Variants in DCP1A observed in about 807,000 individuals in gnomAD.
DCP1A encodes the protein mRNA-decapping enzyme 1A.
Under a neutral mutation model 58.0 loss-of-function variants are expected in DCP1A, and 20 were observed. The ratio of observed to expected loss-of-function variants is 0.34; its 90% CI spans 0.24 to 0.50. DCP1A has a LOEUF of 0.50. Among genes scored for constraint, DCP1A ranks in the 20% least tolerant of loss-of-function variants. The probability of loss-of-function intolerance (pLI) is 0.98; values close to 1 mark genes in which losing one functional copy is unlikely to be tolerated. For missense variants in DCP1A, 613 were observed against 712.2 expected (o/e 0.86, Z 1.59); for synonymous variants, 285 against 275.1 (o/e 1.04, Z -0.36).
At chr3:53,315,145 T>G (rs914694021) in intron 4 of DCP1A, among the ~76,000 whole-genome samples, 1 of 152,184 alleles carries the variant, frequency 6.6e-6, no homozygotes, top group African/African-American at 2.4e-5. Flanking sequence ...AACCTACCCC[T>G]AAGATGTCTG....
chr3:53,287,717 T>C (rs1367736867), intron 9 of DCP1A, 57 bp from the exon 10 acceptor site: 1 of 1,292,622 alleles, frequency 7.7e-7, no homozygotes, highest in Non-Finnish European at 1.1e-6. Flanking sequence ...CATCAGATTT[T>C]ACTTCCTTGG....
chr3:53,342,298 T>C (rs1553692619), intron 2 of DCP1A, 27 bp from the exon 3 acceptor site: 2 of 1,504,532 alleles, frequency 1.3e-6, no homozygotes, highest in Non-Finnish European at 1.8e-6. Context: ...GAAAAAAAAA[T>C]ATGTAGTTAC....
Position 53,301,556 on chromosome 3 carries a change from A to C in DCP1A, c.624+2621T>G, listed in dbSNP as rs78565081. On this transcript the variant is annotated intron_variant, in intron 6 of 9. Coordinates refer to ENST00000610213, the MANE Select transcript of DCP1A (RefSeq NM_018403.7). The stretch of plus-strand genomic sequence containing the variant: ...CCAAGGCAGTTTCTTATTAAACTAA[A>C]ACATGCAATACCAAATGACCTGACA... Among the ~76,000 whole-genome samples, 1,270 of 152,274 alleles carry C rather than the reference A, an allele frequency of 8.3e-3. 10 individuals are homozygous for C. The highest frequency in any genetic ancestry group is 0.012 in the Non-Finnish European group (844 of 68,026).
At chr3:53,288,413 G>T (rs62256054) in intron 8 of DCP1A, 130 bp from the exon 9 acceptor site, 6 of 675,378 alleles carry the variant, frequency 8.9e-6, no homozygotes, top group East Asian at 8.2e-5. Flanking sequence ...TTTGAGTTCA[G>T]GTAAACATTC....
intron 3 of DCP1A, among the ~76,000 whole-genome samples, chr3:53,320,604 G>C (rs1349817773): frequency 6.6e-6 from 1 of 152,082 alleles, no homozygotes; most frequent in Non-Finnish European, 1.5e-5. Flanking sequence ...AAATGCAACT[G>C]TAAAGAACAG....
chr3:53,326,180 C>T (rs1482027026), intron 3 of DCP1A, among the ~76,000 whole-genome samples: 3 of 150,168 alleles, frequency 2.0e-5, no homozygotes, highest in Non-Finnish European at 2.9e-5. Flanking sequence ...CGAAATACTC[C>T]TTCCACAATC....
chr3:53,308,562 T>C (rs369483512), intron 5 of DCP1A, among the ~76,000 whole-genome samples: 3 of 152,212 alleles, frequency 2.0e-5, no homozygotes, highest in East Asian at 3.8e-4. Context: ...ATTATAGACA[T>C]AGCCACAGCG....
intron 3 of DCP1A, among the ~76,000 whole-genome samples, chr3:53,338,901 CAAAT>C (rs1424823461): frequency 1.7e-4 from 25 of 147,346 alleles, no homozygotes; most frequent in African/African-American, 5.2e-4. Context: ...ATAAATAAAA[CAAAT>C]AACTTAGAAC....
intron 4 of DCP1A, among the ~76,000 whole-genome samples, chr3:53,315,930 AT>A (rs1553689201): frequency 6.6e-6 from 1 of 151,104 alleles, no homozygotes; most frequent in Non-Finnish European, 1.5e-5. Context: ...ATTTTTTTGT[AT>A]TTTTACTAGA....
chr3:53,324,322 C>T (rs1480454512), intron 3 of DCP1A, among the ~76,000 whole-genome samples: 1 of 152,210 alleles, frequency 6.6e-6, no homozygotes, highest in East Asian at 1.9e-4. Context: ...ACATATCAAA[C>T]GGTCAGTGCG....
Position 53,288,135 on chromosome 3 carries a change from T to C in DCP1A, c.1598A>G (p.Glu533Gly). The C allele has an allele frequency of 6.2e-7, 1 of 1,614,058 alleles. No homozygotes were observed. Among genetic ancestry groups the C allele is most frequent in the Non-Finnish European group, 8.5e-7 (1 of 1,179,892 alleles). ...AATAATGGAAGGCTTTCTCTGACTT[T>C]CTGGCGTTCCAATAGTTAGAGGAGA... is the stretch of plus-strand genomic sequence containing the variant. ...SPSPLTIGTPESQRKPSIILS... is the reference protein window; with the variant it reads ...SPSPLTIGTPGSQRKPSIILS... Residue 533 changes from glutamate to glycine, a missense_variant, in exon 9 of 10, where the codon GAA becomes GGA. Coordinates refer to ENST00000610213, the MANE Select transcript of DCP1A (RefSeq NM_018403.7).
Position 53,284,074 on chromosome 3 carries a change from G to A in DCP1A, c.*3506C>T, listed in dbSNP as rs1213362003. ...TGAACGCAACTGAAGAAAACTGAAG[G>A]GAGGCAAGAAAGAAAAACATACTCT... On this transcript the variant is annotated 3_prime_UTR_variant, in exon 10 of 10. Coordinates refer to ENST00000610213, the MANE Select transcript of DCP1A (RefSeq NM_018403.7). 1 of 152,208 alleles carries A rather than the reference G, an allele frequency of 6.6e-6. No homozygotes were observed. The highest frequency in any genetic ancestry group is 1.5e-5 in the Non-Finnish European group (1 of 68,052). The allele number at this position is 152,208 out of a possible 1,614,324, so 9.4% of individuals were successfully genotyped here. A position where few individuals can be genotyped will look rare whatever the true frequency, so the allele number is the denominator to read the frequency against.
chr3:53,315,534 C>CAA (rs1211486616), intron 4 of DCP1A, among the ~76,000 whole-genome samples: 1,383 of 63,754 alleles, frequency 0.022, 26 homozygotes, highest in Non-Finnish European at 0.027. Context: ...GACTCTGTCT[C>CAA]AAAAAAAAAA....
chr3:53,347,350 G>A (rs370918336), intron 1 of DCP1A, 33 bp downstream of exon 1: 96 of 1,523,088 alleles, frequency 6.3e-5, no homozygotes, highest in Non-Finnish European at 7.8e-5. Flanking sequence ...GGCAGCGGCC[G>A]GGTGGCCGTC....
At chr3:53,311,091 T>A (rs1553688593) in intron 5 of DCP1A, among the ~76,000 whole-genome samples, 1 of 152,100 alleles carries the variant, frequency 6.6e-6, no homozygotes, top group Non-Finnish European at 1.5e-5. Flanking sequence ...GGAGGAAGAG[T>A]CATGCTAACA....
chr3:53,336,699 C>T (rs922928351), intron 3 of DCP1A, among the ~76,000 whole-genome samples: 1 of 151,998 alleles, frequency 6.6e-6, no homozygotes, highest in Non-Finnish European at 1.5e-5. Flanking sequence ...AGAGTAATCA[C>T]CAGCTGATGA....
chr3:53,318,844 T>C (rs1553689564), intron 4 of DCP1A, among the ~76,000 whole-genome samples: 1 of 152,212 alleles, frequency 6.6e-6, no homozygotes, highest in Non-Finnish European at 1.5e-5. Flanking sequence ...TACAGATGTG[T>C]GTATGAGTTC....
At chr3:53,311,211 C>A (rs1707633675) in intron 5 of DCP1A, among the ~76,000 whole-genome samples, 1 of 152,166 alleles carries the variant, frequency 6.6e-6, no homozygotes, top group Non-Finnish European at 1.5e-5. Context: ...GTCTTTTGGA[C>A]AGTGCTTTTT....
chr3:53,329,091 T>C (rs1708187677), intron 3 of DCP1A: 1 of 345,316 alleles, frequency 2.9e-6, no homozygotes, highest in Non-Finnish European at 5.2e-6. Flanking sequence ...CATTTTTGGA[T>C]TGGACAAATT....
Sources: gnomAD v4.1 joint callset for allele counts (sites outside exome capture counted in the v4.1 genomes callset) on GRCh38, gnomAD v4.1.1 for gene constraint, MANE v1.5 for transcripts, NCBI Gene and HGNC (gene_info 2026-07-23, HGNC 2026-07-21) for gene names.